Variants in GNAS observed in about 807,000 individuals in gnomAD.
The protein encoded by GNAS is protein ALEX.
Under a neutral mutation model 54.5 loss-of-function variants are expected in GNAS, and 8 were observed. That is an observed-to-expected ratio of 0.15 (90% CI 0.09 to 0.26). GNAS has a LOEUF of 0.26. Among genes scored for constraint, GNAS ranks in the 10% least tolerant of loss-of-function variants. The pLI is 1.00. For missense variants in GNAS, 170 were observed against 529.8 expected, an observed-to-expected ratio of 0.32 and a Z score of 6.67; for synonymous variants, 204 against 191.4, an observed-to-expected ratio of 1.07 and a Z score of -0.54.
chr20:58,896,596 C>G (rs1021374625), intron 2 of GNAS, among the ~76,000 whole-genome samples: 1 of 151,404 alleles, frequency 6.6e-6, no homozygotes, highest in Non-Finnish European at 1.5e-5. Flanking sequence ...GGGGCCTACC[C>G]ATCGTTCTCG....
rs909262574 is a variant in GNAS, at chr20:58,892,152, C to A, written c.139+287C>A. 18 of 960,976 alleles carry A rather than the reference C, an allele frequency of 1.9e-5. No homozygotes were observed. The South Asian group carries it at 5.3e-4, about 28-fold the overall frequency. The allele number at this position is 960,976 out of a possible 1,614,324, so 59.5% of individuals were successfully genotyped here. On this transcript the variant is annotated intron_variant, in intron 1 of 12. Transcript: ENST00000371085. ...CTCTCTTGCTCTCGCTCTCGCTCTC[C>A]CCCTCTTTCTCTCTTTCTCTCTTTT...
intron 1 of GNAS, among the ~76,000 whole-genome samples, chr20:58,870,668 G>C (rs937836130): frequency 2.6e-5 from 4 of 152,168 alleles, no homozygotes; most frequent in African/African-American, 9.7e-5. Flanking sequence ...CAGGGGAGGG[G>C]TGGTTGGGGG....
intron 1 of GNAS, among the ~76,000 whole-genome samples, chr20:58,894,450 A>G (rs2089846090): frequency 6.6e-6 from 1 of 152,258 alleles, no homozygotes; most frequent in Admixed American, 6.5e-5. Flanking sequence ...TGAAAAGGCA[A>G]GTAAAGGAGG....
intron 1 of GNAS, among the ~76,000 whole-genome samples, chr20:58,878,284 C>G (rs2087968635): frequency 6.6e-6 from 1 of 152,228 alleles, no homozygotes; most frequent in Non-Finnish European, 1.5e-5. Flanking sequence ...AGGAGGCCTG[C>G]TATGCAGCAA....
chr20:58,864,353 C>T (rs185705642), intron 1 of GNAS, among the ~76,000 whole-genome samples: 91 of 152,230 alleles, frequency 6.0e-4, no homozygotes, highest in Admixed American at 1.1e-3. Context: ...GGGGGGCCTT[C>T]ATGGGCTTTT....
rs1422244227 is a variant in GNAS at position 58,853,964 on chromosome 20, T to A, written c.43+13078T>A. The A allele has an allele frequency of 1.2e-6, 2 of 1,612,310 alleles. No homozygotes were observed. Among genetic ancestry groups the A allele is most frequent in the Non-Finnish European group, 1.7e-6 (2 of 1,179,756 alleles). On this transcript the variant is annotated intron_variant, in intron 1 of 12. Coordinates refer to the GNAS transcript ENST00000306090. This position sits in a 1 kb window ranked among gnomAD's most constrained non-coding sequence, Gnocchi z 4.4. Reference sequence around the variant, plus strand: ...CATTTGAGCTTGATGGAGAAGGATTTGGGGACGACAGCCCACCCCCGGGGC... The same window carrying A: ...CATTTGAGCTTGATGGAGAAGGATTAGGGGACGACAGCCCACCCCCGGGGC...
intron 1 of GNAS, among the ~76,000 whole-genome samples, chr20:58,864,401 T>C (rs370429463): frequency 3.2e-4 from 48 of 152,196 alleles, no homozygotes; most frequent in African/African-American, 9.7e-4. Flanking sequence ...TCCTTATAGC[T>C]GCTCTTTCTG....
Position 58,895,379 on chromosome 20 carries a change from CCTT to C in GNAS, c.140-232_140-230del, listed in dbSNP as rs2089949201. 5.7e-6 allele frequency: 3 copies of C among 529,248 alleles called. No individual in the cohort carries two copies. The East Asian group carries it at 9.7e-5, about 17-fold the overall frequency. 32.8% of individuals were successfully genotyped at this position (529,248 alleles called of 1,614,324 possible). On this transcript the variant is annotated intron_variant, in intron 1 of 12. Transcript: ENST00000371085. ...CAAAAGAAAAATTAAAACCAGCAAA[CCTT>C]AAATTCTTGTTTGTTATTTGGATGG...
chr20:58,852,847 T>A, intron 1 of GNAS: 1 of 268,150 alleles, frequency 3.7e-6, no homozygotes, highest in Non-Finnish European at 6.6e-6. Flanking sequence ...CGGAGCCAGC[T>A]CGGCACTGGA....
At chr20:58,878,912 T>TGGGGGGGGGGGGGGGGGGGG (rs11086659) in intron 1 of GNAS, among the ~76,000 whole-genome samples, 12 of 95,386 alleles carry the variant, frequency 1.3e-4, no homozygotes, top group Admixed American at 3.4e-4. Flanking sequence ...GGGGTGCGGG[T>TGGGGGGGGGGGGGGGGGGGG]GGGGGGGGGA....
chr20:58,892,975 A>G (rs1434765890), intron 1 of GNAS, among the ~76,000 whole-genome samples: 2 of 150,440 alleles, frequency 1.3e-5, no homozygotes, highest in Non-Finnish European at 3.0e-5. Flanking sequence ...TGCTTTGTGA[A>G]AAGAAAAAAC....
At position 58,899,951 on chromosome 20, in the gene GNAS, TATA is replaced by T. The variant is rs1174800950; in HGVS notation, c.257+970_257+972del. On this transcript the variant is annotated intron_variant, in intron 3 of 12. Transcript: ENST00000371085. ...GTTTGTTCATCTGTTTCTTTTAGAA[TATA>T]ATATCCCTAGATGATGGCTACAGTT... is the stretch of plus-strand genomic sequence containing the variant. 2.1e-5 allele frequency: 15 copies of T among 717,924 alleles called. No individual in the cohort carries two copies. The Middle Eastern group carries it at 6.9e-4, about 33-fold the overall frequency. 44.5% of individuals were successfully genotyped at this position (717,924 alleles called of 1,614,324 possible). A position where few individuals can be genotyped will look rare whatever the true frequency, so the allele number is the denominator to read the frequency against.
intron 1 of GNAS, among the ~76,000 whole-genome samples, chr20:58,874,563 G>A (rs978497244): frequency 2.0e-5 from 3 of 151,992 alleles, no homozygotes; most frequent in African/African-American, 7.3e-5. Context: ...TTAGCTCTTG[G>A]GCTGGCCCCC....
chr20:58,890,130 C>T (rs1386782961), upstream of GNAS, among the ~76,000 whole-genome samples: 3 of 151,878 alleles, frequency 2.0e-5, no homozygotes, highest in South Asian at 4.1e-4. Flanking sequence ...CGAGAAGAAG[C>T]TGCTGGAGCA....
intron 1 of GNAS, among the ~76,000 whole-genome samples, chr20:58,866,335 CA>C (rs951240119): frequency 1.3e-5 from 2 of 152,194 alleles, no homozygotes; most frequent in Admixed American, 1.3e-4. Flanking sequence ...TGAGAAAGAG[CA>C]TAAGATCTCT....
In GNAS at chr20:58,850,487, C is replaced by T. The variant is rs561382585; in HGVS notation, c.43+9601C>T. On this transcript the variant is annotated intron_variant, in intron 1 of 12. Coordinates refer to the GNAS transcript ENST00000306090. ...AAAGCAAACAACCCCTTTGGAGCAC[C>T]CATGGCAGCCTCCCTGGGGCTCCAA... The T allele has an allele frequency of 4.0e-3, 1,580 of 398,354 alleles. 6 individuals carry two copies. The highest frequency in any genetic ancestry group is 5.3e-3 in the Non-Finnish European group (1,190 of 226,182). 24.7% of individuals were successfully genotyped at this position (398,354 alleles called of 1,614,324 possible). A position where few individuals can be genotyped will look rare whatever the true frequency, so the allele number is the denominator to read the frequency against.
At chr20:58,854,215 G>C in intron 1 of GNAS, 1 of 1,613,172 alleles carries the variant, frequency 6.2e-7, no homozygotes, top group Middle Eastern at 1.6e-4. Flanking sequence ...GCCCCCGCTG[G>C]GGTCGACGAC....
chr20:58,840,428 G>T (rs1448185576), upstream of GNAS: 4 of 1,613,540 alleles, frequency 2.5e-6, no homozygotes, highest in Non-Finnish European at 1.7e-6. The surrounding 1 kb of genome is among the most constrained non-coding windows in gnomAD (Gnocchi z 6.0). Flanking sequence ...GGAAGAGTTC[G>T]ACTACGAGAC....
intron 3 of GNAS, among the ~76,000 whole-genome samples, chr20:58,900,856 G>C (rs984610340): frequency 6.6e-6 from 1 of 152,116 alleles, no homozygotes; most frequent in African/African-American, 2.4e-5. Context: ...TTACACACCC[G>C]AATTAGATTT....
Sources: allele counts gnomAD v4.1 joint callset (sites outside exome capture counted in the v4.1 genomes callset), GRCh38; gene constraint gnomAD v4.1.1; non-coding constraint Gnocchi (gnomAD v3.1); transcripts MANE v1.5; gene names NCBI Gene and HGNC (gene_info 2026-07-23, HGNC 2026-07-21).